The following CDC5L variants were observed in gnomAD, a reference collection of about 807,000 sequenced individuals.
CDC5L encodes cell division cycle 5 like.
In CDC5L, 18 loss-of-function variants were observed where a neutral mutation model predicts 104.1. The observed-to-expected ratio is 0.17, with a 90% CI of 0.12 to 0.26. CDC5L has a LOEUF of 0.26. CDC5L is among the 10% of genes least tolerant of loss of function. CDC5L has a pLI of 1.00. For missense variants in CDC5L, 673 were observed against 956.9 expected, an observed-to-expected ratio of 0.70 and a Z score of 3.91; for synonymous variants, 331 against 322.7, an observed-to-expected ratio of 1.03 and a Z score of -0.28.
intron 4 of CDC5L, among the ~76,000 whole-genome samples, chr6:44,394,888 GTATACA>G (rs1790792748): frequency 1.2e-4 from 1 of 8,546 alleles, no homozygotes; most frequent in African/African-American, 4.1e-4. Context: ...AAAAAAAATG[GTATACA>G]CACACACACA....
chr6:44,389,593 G>A (rs184800862), intron 1 of CDC5L, among the ~76,000 whole-genome samples: 81 of 152,250 alleles, frequency 5.3e-4, no homozygotes, highest in African/African-American at 1.8e-3. Flanking sequence ...TAGAGATGGG[G>A]GGAAATTGGA....
chr6:44,387,733 G>C lies in CDC5L; in HGVS notation c.-91G>C. The C allele has an allele frequency of 1.8e-6, 2 of 1,141,824 alleles. No homozygotes were observed. Among genetic ancestry groups the C allele is most frequent in the East Asian group, 2.6e-5 (1 of 38,846 alleles). 70.7% of individuals were successfully genotyped at this position (1,141,824 alleles called of 1,614,324 possible). On this transcript the variant is annotated 5_prime_UTR_variant, in exon 1 of 16. Coordinates refer to ENST00000371477, the MANE Select transcript of CDC5L (RefSeq NM_001253.4). ...TCAAAGCAGAAGGTCGCGCTTGGAGGAAGTGGCGGCTTTGAGTCCGGTGGC... is the reference window on the plus strand; with the variant it reads ...TCAAAGCAGAAGGTCGCGCTTGGAGCAAGTGGCGGCTTTGAGTCCGGTGGC...
At chr6:44,422,277 T>C (rs1328175633) in intron 9 of CDC5L, among the ~76,000 whole-genome samples, 1 of 152,184 alleles carries the variant, frequency 6.6e-6, no homozygotes, top group Non-Finnish European at 1.5e-5. Context: ...GAGACAAATA[T>C]ACACAAAACT....
At chr6:44,410,123 G>A (rs1791562084) in intron 8 of CDC5L, among the ~76,000 whole-genome samples, 1 of 152,054 alleles carries the variant, frequency 6.6e-6, no homozygotes. Context: ...CAAATGTACA[G>A]TGTACTGTTA....
chr6:44,409,380 TC>T (rs1345406643), intron 8 of CDC5L, among the ~76,000 whole-genome samples: 1 of 152,260 alleles, frequency 6.6e-6, no homozygotes, highest in Non-Finnish European at 1.5e-5. Flanking sequence ...GCATACATTT[TC>T]TATTCCCCTA....
chr6:44,424,118 T>TC (rs1253110543), intron 10 of CDC5L, among the ~76,000 whole-genome samples: 4 of 152,214 alleles, frequency 2.6e-5, no homozygotes, highest in Non-Finnish European at 4.4e-5. Context: ...AGACTTTTTT[T>TC]CTCTTTCTGT....
At chr6:44,430,479 A>G (rs1394554451) in intron 14 of CDC5L, among the ~76,000 whole-genome samples, 1 of 148,542 alleles carries the variant, frequency 6.7e-6, no homozygotes, top group Admixed American at 6.8e-5. Flanking sequence ...TGGTTTCTTA[A>G]TATAGTTTGC....
rs773786751 is a variant in CDC5L, at chr6:44,393,164, GTTTTTTTT to G, written c.312-264_312-257del. Among the ~76,000 whole-genome samples, 130 of 107,232 alleles carry G rather than the reference GTTTTTTTT, an allele frequency of 1.2e-3. 1 individual carries two copies. The highest frequency in any genetic ancestry group is 3.0e-3 in the Admixed American group (29 of 9,634). 70.3% of individuals were successfully genotyped at this position (107,232 alleles called of 152,430 possible). A position where few individuals can be genotyped will look rare whatever the true frequency, so the allele number is the denominator to read the frequency against. On this transcript the variant is annotated intron_variant, in intron 3 of 15. Coordinates refer to ENST00000371477, the MANE Select transcript of CDC5L (RefSeq NM_001253.4). The stretch of plus-strand genomic sequence containing the variant: ...GGAACATTTTGGTTCTTTACTAATA[GTTTTTTTT>G]TTTTTTTTTTTTTTTTTAAATTTGT...
chr6:44,393,209 G>A lies in CDC5L; in HGVS notation c.312-237G>A, dbSNP rs112659973. Among the ~76,000 whole-genome samples, 519 of 125,284 alleles carry A rather than the reference G, an allele frequency of 4.1e-3. 1 individual carries two copies. Among genetic ancestry groups the A allele is most frequent in the Non-Finnish European group, 5.9e-3 (369 of 62,066 alleles). The allele number at this position is 125,284 out of a possible 152,430, so 82.2% of individuals were successfully genotyped here. A position where few individuals can be genotyped will look rare whatever the true frequency, so the allele number is the denominator to read the frequency against. ...TTTTTTAAATTTGTATGGCTGTACC[G>A]CATTTGTGATTAGGATCTGTTTGGG... is the stretch of plus-strand genomic sequence containing the variant. On this transcript the variant is annotated intron_variant, in intron 3 of 15. Transcript: ENST00000371477.
intron 5 of CDC5L, among the ~76,000 whole-genome samples, chr6:44,398,747 A>G (rs535377833): frequency 6.6e-6 from 1 of 152,324 alleles, no homozygotes. Context: ...TGAAGTCCTT[A>G]TTTCCATTAT....
intron 8 of CDC5L, among the ~76,000 whole-genome samples, chr6:44,414,845 ATTCT>A (rs1791839491): frequency 6.6e-6 from 1 of 152,160 alleles, no homozygotes; most frequent in South Asian, 2.1e-4. Flanking sequence ...TATCCAAGAA[ATTCT>A]TTCCAACCCT....
chr6:44,421,797 G>A (rs1206696484), intron 9 of CDC5L, among the ~76,000 whole-genome samples: 2 of 152,156 alleles, frequency 1.3e-5, no homozygotes, highest in Non-Finnish European at 2.9e-5. Flanking sequence ...ATGCAAATAC[G>A]ATGCCGTTTT....
chr6:44,412,649 G>A (rs1004533823), intron 8 of CDC5L, among the ~76,000 whole-genome samples: 1 of 151,502 alleles, frequency 6.6e-6, no homozygotes, highest in African/African-American at 2.4e-5. Flanking sequence ...GACAATATAA[G>A]GGACATTTAA....
rs978516424 is a variant in CDC5L, at chr6:44,449,690, A to C, written c.*2979A>C. On this transcript the variant is annotated 3_prime_UTR_variant, in exon 16 of 16. Transcript: ENST00000371477. ...GTCCTTTTTGAAATATTAGAGACAT[A>C]ATGCTGTCTAATAAAAAACGACATC... 52 of 152,166 alleles carry C rather than the reference A, an allele frequency of 3.4e-4. 1 individual carries two copies. Among genetic ancestry groups the C allele is most frequent in the African/African-American group, 1.3e-3 (52 of 41,436 alleles). The allele number at this position is 152,166 out of a possible 1,614,324, so 9.4% of individuals were successfully genotyped here. A position where few individuals can be genotyped will look rare whatever the true frequency, so the allele number is the denominator to read the frequency against.
chr6:44,420,627 G>T (rs1388405867), intron 9 of CDC5L, among the ~76,000 whole-genome samples: 1 of 152,120 alleles, frequency 6.6e-6, no homozygotes, highest in East Asian at 1.9e-4. Flanking sequence ...CATAGTGCTG[G>T]TATTACAGGT....
intron 13 of CDC5L, among the ~76,000 whole-genome samples, chr6:44,427,802 T>G (rs1184889269): frequency 6.6e-6 from 1 of 152,150 alleles, no homozygotes; most frequent in Non-Finnish European, 1.5e-5. Flanking sequence ...AGTTTCCTCT[T>G]TTGAAAGTGA....
intron 14 of CDC5L, among the ~76,000 whole-genome samples, chr6:44,434,525 G>A (rs1485269077): frequency 6.6e-6 from 1 of 152,134 alleles, no homozygotes; most frequent in Non-Finnish European, 1.5e-5. Context: ...ACTATTATAT[G>A]GGATCATATT....
intron 6 of CDC5L, among the ~76,000 whole-genome samples, chr6:44,405,105 T>C (rs1009812102): frequency 1.2e-4 from 19 of 152,204 alleles, no homozygotes; most frequent in African/African-American, 4.6e-4. Flanking sequence ...TTATAAAATC[T>C]TTATGTTTTA....
At chr6:44,425,093 G>T (rs1170842546) in intron 11 of CDC5L, among the ~76,000 whole-genome samples, 1 of 152,042 alleles carries the variant, frequency 6.6e-6, no homozygotes, top group African/African-American at 2.4e-5. Flanking sequence ...AATAATATTA[G>T]TAACACTTTG....
Sources: gnomAD v4.1 joint callset for allele counts (sites outside exome capture counted in the v4.1 genomes callset) on GRCh38, gnomAD v4.1.1 for gene constraint, MANE v1.5 for transcripts, NCBI Gene and HGNC (gene_info 2026-07-23, HGNC 2026-07-21) for gene names.